Variants in GRIN2A observed in about 807,000 individuals in gnomAD.
GRIN2A encodes the protein glutamate receptor ionotropic, NMDA 2A.
A neutral mutation model predicts 113.4 loss-of-function variants in GRIN2A; 22 were observed. The ratio of observed to expected loss-of-function variants is 0.19; its 90% CI spans 0.14 to 0.28. The LOEUF (loss-of-function observed/expected upper bound fraction) is 0.28, where lower values mean the gene tolerates loss of function less well. Ranked by LOEUF, GRIN2A falls within the 10% of genes least tolerant of loss-of-function variation. The pLI is 1.00. For missense variants in GRIN2A, 1,502 were observed against 1,887.0 expected, an observed-to-expected ratio of 0.80 and a Z score of 3.78; for synonymous variants, 827 against 738.4, an observed-to-expected ratio of 1.12 and a Z score of -1.94.
chr16:9,910,410 A>C (rs2044110197), intron 3 of GRIN2A, among the ~76,000 whole-genome samples: 2 of 152,120 alleles, frequency 1.3e-5, no homozygotes, highest in Middle Eastern at 3.2e-3. Flanking sequence ...GAAAGTAACA[A>C]AGAAAGCAAG....
chr16:9,929,662 G>T (rs1442687248), intron 3 of GRIN2A, among the ~76,000 whole-genome samples: 1 of 152,010 alleles, frequency 6.6e-6, no homozygotes, highest in Non-Finnish European at 1.5e-5. Flanking sequence ...TAGAGATGGG[G>T]CTTAATTTGC....
intron 4 of GRIN2A, among the ~76,000 whole-genome samples, chr16:9,854,758 C>A (rs894342811): frequency 6.6e-6 from 1 of 152,106 alleles, no homozygotes; most frequent in African/African-American, 2.4e-5. Flanking sequence ...GAAGTGTGAG[C>A]CAATACCAGG....
intron 2 of GRIN2A, among the ~76,000 whole-genome samples, chr16:9,986,608 A>G (rs1331781282): frequency 1.3e-5 from 2 of 151,974 alleles, no homozygotes; most frequent in Non-Finnish European, 2.9e-5. Flanking sequence ...ACTAAAAAAT[A>G]CAAAAAATTA....
At chr16:9,923,337 T>C (rs1232270980) in intron 3 of GRIN2A, among the ~76,000 whole-genome samples, 2 of 152,194 alleles carry the variant, frequency 1.3e-5, no homozygotes, top group Admixed American at 6.5e-5. Flanking sequence ...CTATTTATGC[T>C]TTTATATTTA....
Position 9,764,810 on chromosome 16 carries a change from A to C in GRIN2A, c.2734T>G (p.Ser912Ala). ...CTTTTGGGTGAGTCCATTCTTGAGG[A>C]GTTCATGTTGGACATGCTGGAAATG... ...KNISSMSNMN[S>A]SRMDSPKRAA... Residue 912 changes from serine to alanine, a missense_variant, in exon 13 of 13, where the codon TCC becomes GCC. By Grantham distance (99) the Ser-to-Ala change is moderately conservative. Transcript: ENST00000330684. 2 of 1,614,190 alleles carry C rather than the reference A, an allele frequency of 1.2e-6. No homozygotes were observed. Among genetic ancestry groups the C allele is most frequent in the Non-Finnish European group, 1.7e-6 (2 of 1,180,020 alleles).
intron 2 of GRIN2A, among the ~76,000 whole-genome samples, chr16:10,163,977 C>T (rs1187722131): frequency 6.6e-6 from 1 of 152,132 alleles, no homozygotes; most frequent in East Asian, 1.9e-4. Flanking sequence ...TTGCAAAAGT[C>T]TGAGAATAAG....
intron 2 of GRIN2A, among the ~76,000 whole-genome samples, chr16:9,981,973 G>A (rs1317891723): frequency 6.6e-6 from 1 of 152,012 alleles, no homozygotes; most frequent in African/African-American, 2.4e-5. Flanking sequence ...TTTTAGTAGA[G>A]ACGGGGGTTT....
intron 2 of GRIN2A, among the ~76,000 whole-genome samples, chr16:10,031,808 G>T (rs7205861): frequency 0.21 from 32,280 of 152,160 alleles, 4,136 homozygotes; most frequent in East Asian, 0.52. Flanking sequence ...GCACGGTTCT[G>T]CTCTGACCTC....
chr16:10,074,053 A>T (rs72774141), intron 2 of GRIN2A, among the ~76,000 whole-genome samples: 13,843 of 152,282 alleles, frequency 0.091, 714 homozygotes, highest in Non-Finnish European at 0.11. Flanking sequence ...CTCCGTTTTT[A>T]AAAAAGGCAA....
intron 3 of GRIN2A, among the ~76,000 whole-genome samples, chr16:9,893,319 C>T (rs1229155046): frequency 6.6e-6 from 1 of 152,096 alleles, no homozygotes; most frequent in Non-Finnish European, 1.5e-5. Context: ...TCTTTGTATT[C>T]TTCAAGTTCT....
chr16:9,979,818 T>TATATATATATATATATATATAC (rs1567213718), intron 2 of GRIN2A, among the ~76,000 whole-genome samples: 2 of 134,374 alleles, frequency 1.5e-5, no homozygotes, highest in East Asian at 2.6e-4. Context: ...TATATGTATA[T>TATATATATATATATATATATAC]GTATGTATTT....
Position 9,763,134 on chromosome 16 carries a change from A to C in GRIN2A, c.*15T>G. ...ACGTATATTTCCCTATAGATAAAAC[A>C]TTAATGGAAGATTTTTAAACATCAG... On this transcript the variant is annotated 3_prime_UTR_variant, in exon 13 of 13. Transcript: ENST00000330684. The C allele has an allele frequency of 6.2e-7, 1 of 1,612,102 alleles. No homozygotes were observed. The highest frequency in any genetic ancestry group is 8.5e-7 in the Non-Finnish European group (1 of 1,178,356).
At chr16:9,877,178 A>T (rs987088250) in intron 4 of GRIN2A, among the ~76,000 whole-genome samples, 1 of 152,190 alleles carries the variant, frequency 6.6e-6, no homozygotes, top group Non-Finnish European at 1.5e-5. Context: ...TCAAATATGA[A>T]ATCAGAGACT....
At chr16:9,827,277 G>A (rs1283802733) in intron 9 of GRIN2A, among the ~76,000 whole-genome samples, 2 of 152,244 alleles carry the variant, frequency 1.3e-5, no homozygotes. Context: ...TAAACACAGT[G>A]TGTTATCTGC....
chr16:10,104,276 G>C (rs534634480), intron 2 of GRIN2A, among the ~76,000 whole-genome samples: 34 of 152,312 alleles, frequency 2.2e-4, no homozygotes, highest in Admixed American at 3.9e-4. Context: ...GGCCAGGAGA[G>C]AAAAGAGAAA....
intron 2 of GRIN2A, among the ~76,000 whole-genome samples, chr16:10,122,537 G>A (rs1272681777): frequency 6.6e-6 from 1 of 152,082 alleles, no homozygotes; most frequent in African/African-American, 2.4e-5. Flanking sequence ...ATCTCTCCCA[G>A]AAAGTTTCGC....
chr16:9,833,277 A>G (rs1253836731), intron 8 of GRIN2A, among the ~76,000 whole-genome samples: 6 of 152,230 alleles, frequency 3.9e-5, no homozygotes, highest in East Asian at 1.9e-4. Context: ...ACTAAGATCA[A>G]TGCATTTTAT....
intron 2 of GRIN2A, among the ~76,000 whole-genome samples, chr16:10,091,146 A>G (rs2048176570): frequency 6.6e-6 from 1 of 152,240 alleles, no homozygotes; most frequent in Admixed American, 6.5e-5. Flanking sequence ...AATTTTTTAA[A>G]AACTTAAAAC....
chr16:9,911,594 T>A (rs1322986047), intron 3 of GRIN2A, among the ~76,000 whole-genome samples: 12 of 152,124 alleles, frequency 7.9e-5, no homozygotes, highest in Non-Finnish European at 4.4e-5. Flanking sequence ...AATCCCTGTA[T>A]CCAGTGGCTC....
Sources: allele counts gnomAD v4.1 joint callset (sites outside exome capture counted in the v4.1 genomes callset), GRCh38; gene constraint gnomAD v4.1.1; transcripts MANE v1.5; gene names NCBI Gene and HGNC (gene_info 2026-07-23, HGNC 2026-07-21).